The following SEMA6D variants were observed in gnomAD, a reference collection of about 807,000 sequenced individuals.
SEMA6D encodes semaphorin 6D, also known as semaphorin-6D.
A neutral mutation model predicts 106.6 loss-of-function variants in SEMA6D; 35 were observed. That is an observed-to-expected ratio of 0.33 (90% CI 0.25 to 0.44). The LOEUF (loss-of-function observed/expected upper bound fraction) is 0.44, where lower values mean the gene tolerates loss of function less well. Among genes scored for constraint, SEMA6D ranks in the 20% least tolerant of loss-of-function variants. The pLI, the probability that SEMA6D is intolerant of heterozygous loss-of-function variation, is 1.00. For missense variants in SEMA6D, 1,185 were observed against 1,345.9 expected, an observed-to-expected ratio of 0.88 and a Z score of 1.87; for synonymous variants, 499 against 487.7, an observed-to-expected ratio of 1.02 and a Z score of -0.31.
At chr15:47,299,331 C>T (rs2035928816) in intron 1 of SEMA6D, among the ~76,000 whole-genome samples, 1 of 152,174 alleles carries the variant, frequency 6.6e-6, no homozygotes. Flanking sequence ...CATTTAGGAA[C>T]CTCCGACCTA....
At chr15:47,607,101 G>T (rs952031894) in intron 4 of SEMA6D, among the ~76,000 whole-genome samples, 1 of 142,888 alleles carries the variant, frequency 7.0e-6, no homozygotes, top group Non-Finnish European at 1.5e-5. Flanking sequence ...ATAAGGACTT[G>T]ATCAGATAGA....
chr15:47,458,051 A>G (rs2042396656), intron 2 of SEMA6D, among the ~76,000 whole-genome samples: 1 of 151,960 alleles, frequency 6.6e-6, no homozygotes. Flanking sequence ...ACTCAGCAAA[A>G]TATCTCTCAA....
intron 3 of SEMA6D, among the ~76,000 whole-genome samples, chr15:47,515,681 C>T (rs980718130): frequency 2.6e-5 from 4 of 152,168 alleles, no homozygotes; most frequent in African/African-American, 9.7e-5. Context: ...TTGTGGAGAG[C>T]ATTTCCTTTC....
intron 1 of SEMA6D, among the ~76,000 whole-genome samples, chr15:47,276,234 G>A (rs1274141704): frequency 1.3e-5 from 2 of 152,170 alleles, no homozygotes; most frequent in Admixed American, 1.3e-4. Flanking sequence ...AGAAACATCA[G>A]CAGGTTATCC....
intron 4 of SEMA6D, among the ~76,000 whole-genome samples, chr15:47,603,142 T>C (rs1202266251): frequency 6.6e-6 from 1 of 152,162 alleles, no homozygotes; most frequent in African/African-American, 2.4e-5. Flanking sequence ...TAAAGAGATA[T>C]AGGAGATAAA....
intron 1 of SEMA6D, among the ~76,000 whole-genome samples, chr15:47,384,044 G>C (rs2039733493): frequency 6.6e-6 from 1 of 152,134 alleles, no homozygotes; most frequent in Non-Finnish European, 1.5e-5. Flanking sequence ...TTTTGGCTGG[G>C]CCTTTAAATA....
At chr15:47,720,569 G>A (rs1352232119) in intron 1 of SEMA6D, among the ~76,000 whole-genome samples, 1 of 152,172 alleles carries the variant, frequency 6.6e-6, no homozygotes, top group Admixed American at 6.5e-5. Context: ...TGCATGCACA[G>A]AAAGGCTCTG....
At chr15:47,574,208 G>C (rs552991410) in intron 3 of SEMA6D, among the ~76,000 whole-genome samples, 1 of 152,206 alleles carries the variant, frequency 6.6e-6, no homozygotes, top group Non-Finnish European at 1.5e-5. Flanking sequence ...TTGGTCTGCT[G>C]TGCATCAGTA....
chr15:47,765,078 G>T, intron 13 of SEMA6D, 22 bp downstream of exon 13: 1 of 1,612,156 alleles, frequency 6.2e-7, no homozygotes, highest in Non-Finnish European at 8.5e-7. Context: ...TTACGAGAAC[G>T]CCCTTCAGCA....
chr15:47,303,075 T>C (rs2142996739), intron 1 of SEMA6D, among the ~76,000 whole-genome samples: 1 of 152,314 alleles, frequency 6.6e-6, no homozygotes, highest in East Asian at 1.9e-4. Context: ...TTAATTTGTC[T>C]TACTTCTCCA....
intron 3 of SEMA6D, among the ~76,000 whole-genome samples, chr15:47,548,888 AAG>A (rs1295043629): frequency 2.0e-5 from 3 of 152,106 alleles, no homozygotes; most frequent in Admixed American, 1.3e-4. Context: ...ACTTTCCTGG[AAG>A]ATCTTCCTAT....
At chr15:47,714,125 ACAAGTCT>A (rs1252046031), upstream of SEMA6D, among the ~76,000 whole-genome samples, 3 of 152,276 alleles carry the variant, frequency 2.0e-5, no homozygotes, top group African/African-American at 7.2e-5. Context: ...ATCCCAAGTC[ACAAGTCT>A]AGTGAGAGGA....
intron 2 of SEMA6D, among the ~76,000 whole-genome samples, chr15:47,439,169 G>T (rs1420530592): frequency 6.6e-6 from 1 of 152,080 alleles, no homozygotes; most frequent in African/African-American, 2.4e-5. Context: ...AGAGCATGTT[G>T]CCAATTAATG....
rs577133085 is a variant in SEMA6D, at chr15:47,590,378, CAG to C, written c.-86-10486_-86-10485del. ...GGGAACATCACACACCAGGGCCTGT[CAG>C]GGGGTGGGGGGCTGGGGGAAGGATA... On this transcript the variant is annotated intron_variant, in intron 3 of 19. Coordinates refer to the SEMA6D transcript ENST00000558014. Among the ~76,000 whole-genome samples, 164 of 114,306 alleles carry C rather than the reference CAG, an allele frequency of 1.4e-3. 1 individual carries two copies. Among genetic ancestry groups the C allele is most frequent in the African/African-American group, 5.6e-3 (160 of 28,402 alleles). The allele number at this position is 114,306 out of a possible 152,430, so 75.0% of individuals were successfully genotyped here.
intron 1 of SEMA6D, among the ~76,000 whole-genome samples, chr15:47,751,816 T>C (rs150151591): frequency 1.7e-4 from 26 of 152,296 alleles, no homozygotes; most frequent in Non-Finnish European, 3.4e-4. Context: ...GTCTTAGGAA[T>C]TGACAACTGT....
Position 47,561,058 on chromosome 15 carries a change from GA to G in SEMA6D, c.-86-39795del, listed in dbSNP as rs71432246. The stretch of plus-strand genomic sequence containing the variant: ...GTGCTCAGGAAACTAATACAAAACA[GA>G]AAAAAAAAAAACAAGTTTTGAGGAA... On this transcript the variant is annotated intron_variant, in intron 3 of 19. Coordinates refer to the SEMA6D transcript ENST00000558014. Among the ~76,000 whole-genome samples the G allele has an allele frequency of 9.4e-3, 1,262 of 134,004 alleles. 11 individuals carry two copies. The highest frequency in any genetic ancestry group is 1.0e-2 in the Non-Finnish European group (625 of 62,696). 87.9% of individuals were successfully genotyped at this position (134,004 alleles called of 152,430 possible).
chr15:47,527,719 C>T (rs2044810092), intron 3 of SEMA6D: 1 of 151,960 alleles, frequency 6.6e-6, no homozygotes, highest in Non-Finnish European at 1.5e-5. Context: ...TTAGACGCTT[C>T]CTGAAGAAAA....
At chr15:47,276,608 C>A in intron 1 of SEMA6D, among the ~76,000 whole-genome samples, 1 of 152,096 alleles carries the variant, frequency 6.6e-6, no homozygotes, top group East Asian at 1.9e-4. Flanking sequence ...TTGTGAAGAC[C>A]TACTGCTCAG....
intron 3 of SEMA6D, among the ~76,000 whole-genome samples, chr15:47,598,898 CT>C (rs200281369): frequency 0.049 from 7,418 of 152,006 alleles, 201 homozygotes; most frequent in South Asian, 0.081. Flanking sequence ...TTATTATGTA[CT>C]CTGAGATGAG....
Sources: allele counts gnomAD v4.1 joint callset (sites outside exome capture counted in the v4.1 genomes callset), GRCh38; gene constraint gnomAD v4.1.1; transcripts MANE v1.5; gene names NCBI Gene and HGNC (gene_info 2026-07-23, HGNC 2026-07-21).